Variants in ZNF727 observed in about 807,000 individuals in gnomAD.
ZNF727 encodes the protein zinc finger protein 727.
ZNF727 carries 11 observed loss-of-function variants against 11.5 expected under a neutral mutation model. The ratio of observed to expected loss-of-function variants is 0.95; its 90% CI spans 0.60 to 1.58. The LOEUF is 1.58. Among genes scored for constraint, ZNF727 ranks in the 40% most tolerant of loss-of-function variants. The pLI, the probability that ZNF727 is intolerant of heterozygous loss-of-function variation, is 0.00. For synonymous variants in ZNF727, 171 were observed against 196.1 expected, an observed-to-expected ratio of 0.87 and a Z score of 1.07; for missense variants, 533 against 581.7, an observed-to-expected ratio of 0.92 and a Z score of 0.86.
At chr7:64,077,203 A>G (rs1012867629) in intron 3 of ZNF727, 73 bp from the exon 4 acceptor site, 2 of 1,346,498 alleles carry the variant, frequency 1.5e-6, no homozygotes, top group Admixed American at 2.9e-5. Context: ...GCTTTGTATA[A>G]TTATATATTT....
Position 64,081,020 on chromosome 7 carries a change from A to G in ZNF727, c.*2471A>G, listed in dbSNP as rs1025672085. On this transcript the variant is annotated 3_prime_UTR_variant, in exon 4 of 4. Coordinates refer to ENST00000456806, the MANE Select transcript of ZNF727 (RefSeq NM_001159522.3). ...TCTGGGGGAGTTGTATTGAGCCCCA[A>G]CTGTGTTCTGTGGCTCCTTGTGATT... 6.6e-6 allele frequency among the ~76,000 whole-genome samples: 1 copy of G among 151,926 alleles called. No homozygotes were observed. Among genetic ancestry groups the G allele is most frequent in the South Asian group, 2.1e-4 (1 of 4,812 alleles).
At chr7:64,049,020 G>A (rs1443407796) in intron 1 of ZNF727, among the ~76,000 whole-genome samples, 1 of 152,102 alleles carries the variant, frequency 6.6e-6, no homozygotes, top group Non-Finnish European at 1.5e-5. Context: ...CTTCAATTTA[G>A]TGGCACAGGT....
rs1490161581 is a variant in ZNF727 at position 64,079,927 on chromosome 7, C to T, written c.*1378C>T. Among the ~76,000 whole-genome samples the T allele has an allele frequency of 6.6e-6, 1 of 152,110 alleles. No homozygotes were observed. Among genetic ancestry groups the T allele is most frequent in the Non-Finnish European group, 1.5e-5 (1 of 68,032 alleles). On this transcript the variant is annotated 3_prime_UTR_variant, in exon 4 of 4. Transcript: ENST00000456806. ...TTTTTGCTTCTGAAGCTTACTTTGG[C>T]CGGATGTGAACTTCTGGATTAGAAT...
chr7:64,076,943 G>A (rs983880012), intron 3 of ZNF727, among the ~76,000 whole-genome samples: 11 of 152,134 alleles, frequency 7.2e-5, no homozygotes, highest in African/African-American at 2.2e-4. Context: ...TTTTTGGAGG[G>A]GGAAGACAGG....
rs1785796021 is a variant in ZNF727 at position 64,081,708 on chromosome 7, T to C, written c.*3159T>C. On this transcript the variant is annotated 3_prime_UTR_variant, in exon 4 of 4. Transcript: ENST00000456806. ...GGCCAGCAGACCAAGGAGTGCTCAG[T>C]TGGATCAGCTTCTTCTGATTTGCAA... Among the ~76,000 whole-genome samples the C allele has an allele frequency of 6.6e-6, 1 of 152,060 alleles. No individual in the cohort carries two copies. The highest frequency in any genetic ancestry group is 1.5e-5 in the Non-Finnish European group (1 of 68,010).
chr7:64,047,906 C>A (rs3925691), intron 1 of ZNF727, among the ~76,000 whole-genome samples: 1 of 151,482 alleles, frequency 6.6e-6, no homozygotes, highest in Non-Finnish European at 1.5e-5. Flanking sequence ...ATAGGAAAGA[C>A]CCACCCTAGT....
chr7:64,062,685 A>AATATATAT lies in ZNF727; in HGVS notation c.4-6195_4-6188dup, dbSNP rs71057374. On this transcript the variant is annotated intron_variant, in intron 1 of 3. Coordinates refer to ENST00000456806, the MANE Select transcript of ZNF727 (RefSeq NM_001159522.3). ...GCATTCTATAACCTTCTTGTACTTG[A>AATATATAT]ATATATATATATATATATGAAGTTC... Among the ~76,000 whole-genome samples the AATATATAT allele has an allele frequency of 4.3e-4, 39 of 90,004 alleles. 5 individuals carry two copies. Among genetic ancestry groups the AATATATAT allele is most frequent in the South Asian group, 7.1e-4 (2 of 2,832 alleles). The allele number at this position is 90,004 out of a possible 152,430, so 59.0% of individuals were successfully genotyped here. A position where few individuals can be genotyped will look rare whatever the true frequency, so the allele number is the denominator to read the frequency against.
rs772680297 is a variant in ZNF727, at chr7:64,069,584, A to ACAG, written c.202_204dup (p.Gln68dup). 2 of 1,562,736 alleles carry ACAG rather than the reference A, an allele frequency of 1.3e-6. No homozygotes were observed. Among genetic ancestry groups the ACAG allele is most frequent in the Admixed American group, 3.8e-5 (2 of 52,212 alleles). On this transcript the variant is annotated inframe_insertion, in exon 3 of 4. Coordinates refer to ENST00000456806, the MANE Select transcript of ZNF727 (RefSeq NM_001159522.3). ...GAAAAGAGCCTTGGAATGCGAGGAG[A>ACAG]CAGAAGACAGTAGCCAAACACCCAG...
At chr7:64,074,539 G>A (rs564584767) in intron 3 of ZNF727, among the ~76,000 whole-genome samples, 2 of 152,196 alleles carry the variant, frequency 1.3e-5, no homozygotes, top group South Asian at 4.1e-4. Context: ...GAGGAGTAGG[G>A]GAGACATTGA....
chr7:64,051,034 A>G (rs1789590402), intron 1 of ZNF727, among the ~76,000 whole-genome samples: 1 of 152,188 alleles, frequency 6.6e-6, no homozygotes, highest in South Asian at 2.1e-4. Context: ...AAAATATTTA[A>G]AACTATTTAA....
In ZNF727 at chr7:64,060,793, G is replaced by GT. The variant is rs1224107471; in HGVS notation, c.4-8089dup. Reference sequence around the variant, plus strand: ...ATGATACATCAATAGTTTATTTGGAGTTTTTTTTTAAACTTTTTTTGATGT... The same window carrying GT: ...ATGATACATCAATAGTTTATTTGGAGTTTTTTTTTTAAACTTTTTTTGATGT... On this transcript the variant is annotated intron_variant, in intron 1 of 3. Coordinates refer to ENST00000456806, the MANE Select transcript of ZNF727 (RefSeq NM_001159522.3). Among the ~76,000 whole-genome samples the GT allele has an allele frequency of 7.3e-5, 11 of 150,746 alleles. No individual in the cohort carries two copies. The South Asian group carries it at 1.5e-3, about 20-fold the overall frequency.
At chr7:64,075,113 A>G (rs1790020687) in intron 3 of ZNF727, among the ~76,000 whole-genome samples, 1 of 152,238 alleles carries the variant, frequency 6.6e-6, no homozygotes, top group African/African-American at 2.4e-5. Flanking sequence ...AGTTTACTGC[A>G]TACAAAATGT....
chr7:64,061,022 G>A (rs754316981), intron 1 of ZNF727, among the ~76,000 whole-genome samples: 8 of 151,772 alleles, frequency 5.3e-5, no homozygotes, highest in African/African-American at 9.7e-5. Flanking sequence ...TTCTATTATC[G>A]TCAGAGAAAA....
rs567812366 is a variant in ZNF727, at chr7:64,068,852, A to C, written c.4-39A>C. 35 of 1,555,540 alleles carry C rather than the reference A, an allele frequency of 2.3e-5. 2 individuals carry two copies. The South Asian group carries it at 3.5e-4, about 16-fold the overall frequency. On this transcript the variant is annotated intron_variant, in intron 1 of 3. Coordinates refer to ENST00000456806, the MANE Select transcript of ZNF727 (RefSeq NM_001159522.3). The stretch of plus-strand genomic sequence containing the variant: ...TTTACCTGATGTCAAATCAAGAATT[A>C]TTTCTTTGGTCACTTGGTAAATATG...
chr7:64,082,246 G>A lies in ZNF727; in HGVS notation c.*3697G>A, dbSNP rs1785804656. On this transcript the variant is annotated 3_prime_UTR_variant, in exon 4 of 4. Transcript: ENST00000456806. ...CTACTGGCTCAATAGCTCTGGCAAT[G>A]ATTGGCTAGTGGCCCAGGCCTGGAG... 6.6e-6 allele frequency among the ~76,000 whole-genome samples: 1 copy of A among 152,174 alleles called. No individual in the cohort carries two copies. Among genetic ancestry groups the A allele is most frequent in the Non-Finnish European group, 1.5e-5 (1 of 68,038 alleles).
At chr7:64,070,925 A>G (rs976323990) in intron 3 of ZNF727, among the ~76,000 whole-genome samples, 1 of 151,936 alleles carries the variant, frequency 6.6e-6, no homozygotes, top group African/African-American at 2.4e-5. Flanking sequence ...ATCTAGGTCC[A>G]CCCATGTTGT....
intron 3 of ZNF727, among the ~76,000 whole-genome samples, chr7:64,070,438 A>G (rs1207551822): frequency 5.8e-5 from 5 of 86,194 alleles, no homozygotes; most frequent in South Asian, 3.2e-4. Context: ...ATTCATATGT[A>G]TGTATATAAA....
At position 64,069,457 on chromosome 7, in the gene ZNF727, A is replaced by G. The variant is rs1206954136; in HGVS notation, c.131-57A>G. 1.8e-5 allele frequency: 24 copies of G among 1,334,630 alleles called. No individual in the cohort carries two copies. The East Asian group carries it at 5.5e-4, about 31-fold the overall frequency. The allele number at this position is 1,334,630 out of a possible 1,614,324, so 82.7% of individuals were successfully genotyped here. On this transcript the variant is annotated intron_variant, in intron 2 of 3. Coordinates refer to ENST00000456806, the MANE Select transcript of ZNF727 (RefSeq NM_001159522.3). Reference sequence around the variant, plus strand: ...TCTCTTCTCTACTGAGCATAGTACTAGATTGGTAATCAGATTATCCTAGCA... The same window carrying G: ...TCTCTTCTCTACTGAGCATAGTACTGGATTGGTAATCAGATTATCCTAGCA...
chr7:64,070,867 AC>A (rs1343714543), intron 3 of ZNF727, among the ~76,000 whole-genome samples: 3 of 152,058 alleles, frequency 2.0e-5, no homozygotes, highest in Non-Finnish European at 2.9e-5. Flanking sequence ...GTGAGATCAT[AC>A]AGTATTTGTC....
Sources: gnomAD v4.1 joint callset for allele counts (sites outside exome capture counted in the v4.1 genomes callset) on GRCh38, gnomAD v4.1.1 for gene constraint, MANE v1.5 for transcripts, NCBI Gene and HGNC (gene_info 2026-07-23, HGNC 2026-07-21) for gene names.